The following GRK4 variants were observed in gnomAD, a reference collection of about 807,000 sequenced individuals.
GRK4 encodes G protein-coupled receptor kinase 4.
In GRK4, 73 loss-of-function variants were observed where a neutral mutation model predicts 77.9. The observed-to-expected ratio is 0.94, with a 90% CI of 0.78 to 1.14. The LOEUF (loss-of-function observed/expected upper bound fraction) is 1.14, where lower values mean the gene tolerates loss of function less well. GRK4 is among the 50% of genes most tolerant of loss of function. GRK4 has a pLI of 0.00. For synonymous variants in GRK4, 257 were observed against 254.4 expected (o/e 1.01, Z -0.10); for missense variants, 729 against 700.2 (o/e 1.04, Z -0.46).
At chr4:3,037,077 G>A (rs28755861) in intron 13 of GRK4, among the ~76,000 whole-genome samples, 1 of 109,278 alleles carries the variant, frequency 9.2e-6, no homozygotes, top group African/African-American at 4.7e-5. Context: ...GTGTATGTGT[G>A]TGTGTATGTG....
intron 12 of GRK4, among the ~76,000 whole-genome samples, chr4:3,034,997 A>T (rs1232033699): frequency 6.6e-6 from 1 of 151,902 alleles, no homozygotes; most frequent in East Asian, 1.9e-4. Flanking sequence ...GTGGCTCACG[A>T]CTGTAATCCC....
In GRK4 at chr4:2,986,835, T is replaced by A. The variant is rs536242012; in HGVS notation, c.149-1892T>A. On this transcript the variant is annotated intron_variant, in intron 2 of 15. Coordinates refer to ENST00000398052, the MANE Select transcript of GRK4 (RefSeq NM_182982.3). ...TATTGTAGTTCCTTTTAAAGAAAGA[T>A]GATGAAGTATTATATTTATAAAAAT... 5.7e-5 allele frequency: 20 copies of A among 352,704 alleles called. 1 individual carries two copies. The Admixed American group carries it at 5.9e-4, about 10-fold the overall frequency. The allele number at this position is 352,704 out of a possible 1,614,324, so 21.8% of individuals were successfully genotyped here.
rs573980770 is a variant in GRK4 at position 2,978,890 on chromosome 4, C to T, written c.53-5623C>T. The stretch of plus-strand genomic sequence containing the variant: ...GGCGGATCTCCTGAGTTCAGGAGTT[C>T]GAGACCAGCCTGGCCCACATGCTGA... On this transcript the variant is annotated intron_variant, in intron 1 of 15. Coordinates refer to ENST00000398052, the MANE Select transcript of GRK4 (RefSeq NM_182982.3). Among the ~76,000 whole-genome samples, 398 of 151,710 alleles carry T rather than the reference C, an allele frequency of 2.6e-3. 7 individuals are homozygous for T. The highest frequency in any genetic ancestry group is 2.0e-3 in the Non-Finnish European group (137 of 67,878).
At chr4:3,031,301 A>G (rs1739097727) in intron 12 of GRK4, among the ~76,000 whole-genome samples, 2 of 152,058 alleles carry the variant, frequency 1.3e-5, no homozygotes, top group East Asian at 1.9e-4. Flanking sequence ...GTCAGCCCCT[A>G]GTGGGGAGCA....
intron 1 of GRK4, among the ~76,000 whole-genome samples, chr4:2,972,572 A>C (rs1719898413): frequency 6.7e-6 from 1 of 149,644 alleles, no homozygotes; most frequent in Admixed American, 6.7e-5. Context: ...AACCTGTGAC[A>C]CTCTGTCCCT....
chr4:3,032,370 C>T (rs1012144750), intron 12 of GRK4, among the ~76,000 whole-genome samples: 11 of 151,644 alleles, frequency 7.3e-5, no homozygotes, highest in African/African-American at 2.2e-4. Context: ...CCCAGGTACT[C>T]GGAAGGCTGT....
chr4:2,965,179 C>T lies in GRK4; in HGVS notation c.52+1057C>T, dbSNP rs111359025. The T allele has an allele frequency of 2.4e-3, 1,583 of 654,626 alleles. 16 individuals are homozygous for T. The highest frequency in any genetic ancestry group is 0.011 in the African/African-American group (639 of 56,024). 40.6% of individuals were successfully genotyped at this position (654,626 alleles called of 1,614,324 possible). A position where few individuals can be genotyped will look rare whatever the true frequency, so the allele number is the denominator to read the frequency against. ...AGGCTCAGCTTTTTGGATGTGAATCCACTGAGCTGGTGCGTACCTTAACAT... is the reference window on the plus strand; with the variant it reads ...AGGCTCAGCTTTTTGGATGTGAATCTACTGAGCTGGTGCGTACCTTAACAT... On this transcript the variant is annotated intron_variant, in intron 1 of 15. Coordinates refer to ENST00000398052, the MANE Select transcript of GRK4 (RefSeq NM_182982.3).
chr4:2,965,487 C>T, intron 1 of GRK4: 2 of 702,818 alleles, frequency 2.8e-6, no homozygotes. Flanking sequence ...TCTGCTCGGA[C>T]TGTGCTCCAG....
chr4:3,036,355 C>T (rs1385119860), intron 13 of GRK4, among the ~76,000 whole-genome samples: 4 of 152,234 alleles, frequency 2.6e-5, no homozygotes, highest in Admixed American at 6.5e-5. Context: ...CGGGGCCTGC[C>T]GGTCCACTTC....
chr4:3,016,704 ACAAAG>A (rs1208324129), intron 8 of GRK4, among the ~76,000 whole-genome samples: 1 of 143,592 alleles, frequency 7.0e-6, no homozygotes, highest in African/African-American at 2.5e-5. Context: ...CATCTCAAAA[ACAAAG>A]CAAAACAAAA....
intron 1 of GRK4, among the ~76,000 whole-genome samples, chr4:2,968,339 T>G (rs1168111042): frequency 6.6e-6 from 1 of 152,238 alleles, no homozygotes; most frequent in Non-Finnish European, 1.5e-5. Flanking sequence ...GCGGTGTTAT[T>G]GAGCAGTTTC....
chr4:3,010,771 C>T (rs898272251), intron 7 of GRK4, among the ~76,000 whole-genome samples: 1 of 152,204 alleles, frequency 6.6e-6, no homozygotes, highest in Admixed American at 6.5e-5. Flanking sequence ...TCAGATATTA[C>T]TGCTCCCATA....
At chr4:2,996,243 A>G (rs180795665) in intron 4 of GRK4, among the ~76,000 whole-genome samples, 1 of 152,170 alleles carries the variant, frequency 6.6e-6, no homozygotes, top group South Asian at 2.1e-4. Flanking sequence ...TAGTCCCTTC[A>G]TGAAGGTGGA....
intron 12 of GRK4, 93 bp downstream of exon 12, chr4:3,029,502 A>T (rs1738542403): frequency 9.4e-7 from 1 of 1,058,884 alleles, no homozygotes. Context: ...TTGGTCTGTC[A>T]TCTTCAGCAA....
intron 7 of GRK4, among the ~76,000 whole-genome samples, chr4:3,012,498 A>AT (rs1733193704): frequency 6.6e-6 from 1 of 152,188 alleles, no homozygotes; most frequent in African/African-American, 2.4e-5. Context: ...TACTTCCAAT[A>AT]TTTTCCACAA....
intron 8 of GRK4, among the ~76,000 whole-genome samples, chr4:3,016,862 G>C (rs944978380): frequency 3.3e-5 from 5 of 152,126 alleles, no homozygotes; most frequent in Admixed American, 6.5e-5. Context: ...TATATCGTTG[G>C]CCTCTCCCAA....
At chr4:2,989,637 G>C (rs1308738806) in intron 3 of GRK4, among the ~76,000 whole-genome samples, 1 of 152,184 alleles carries the variant, frequency 6.6e-6, no homozygotes, top group African/African-American at 2.4e-5. Flanking sequence ...CCAGAAAAGT[G>C]TCCTTTCTGC....
Position 3,040,637 on chromosome 4 carries a change from C to T in GRK4, c.*12C>T, listed in dbSNP as rs749419328. 6.2e-7 allele frequency: 1 copy of T among 1,608,004 alleles called. No individual in the cohort carries two copies. The highest frequency in any genetic ancestry group is 8.5e-7 in the Non-Finnish European group (1 of 1,177,054). Reference sequence around the variant, plus strand: ...CCAAGCAATGCTGAGCACCCCGGTGCGGACCACAGAGCAGACCCTGGCGCC... The same window carrying T: ...CCAAGCAATGCTGAGCACCCCGGTGTGGACCACAGAGCAGACCCTGGCGCC... On this transcript the variant is annotated 3_prime_UTR_variant, in exon 16 of 16. Coordinates refer to ENST00000398052, the MANE Select transcript of GRK4 (RefSeq NM_182982.3).
Position 2,963,858 on chromosome 4 carries a change from C to T in GRK4, c.-213C>T, listed in dbSNP as rs1716464350. The T allele has an allele frequency of 6.8e-6, 4 of 588,670 alleles. No homozygotes were observed. The South Asian group carries it at 8.1e-5, about 12-fold the overall frequency. 36.5% of individuals were successfully genotyped at this position (588,670 alleles called of 1,614,324 possible). On this transcript the variant is annotated 5_prime_UTR_variant, in exon 1 of 16. Coordinates refer to ENST00000398052, the MANE Select transcript of GRK4 (RefSeq NM_182982.3). The stretch of plus-strand genomic sequence containing the variant: ...GGCTGCCCCCTCCCCTCGCCCCGAC[C>T]GCTCCCCTGCTGGTGAGGGCCTGCG...
Sources: allele counts gnomAD v4.1 joint callset (sites outside exome capture counted in the v4.1 genomes callset), GRCh38; gene constraint gnomAD v4.1.1; transcripts MANE v1.5; gene names NCBI Gene and HGNC (gene_info 2026-07-23, HGNC 2026-07-21).